The following LIG3 variants were observed in gnomAD, a reference collection of about 807,000 sequenced individuals.
LIG3 encodes DNA ligase 3.
LIG3 carries 58 observed loss-of-function variants against 110.9 expected under a neutral mutation model. The ratio of observed to expected loss-of-function variants is 0.52; its 90% CI spans 0.42 to 0.65. LIG3 has a LOEUF of 0.65. LIG3 is among the 30% of genes least tolerant of loss of function. The pLI, the probability that LIG3 is intolerant of heterozygous loss-of-function variation, is 0.00. For missense variants in LIG3, 1,094 were observed against 1,273.8 expected (o/e 0.86, Z 2.15); for synonymous variants, 422 against 472.8 (o/e 0.89, Z 1.39).
Position 34,994,210 on chromosome 17 carries a change from C to G in LIG3, c.1456-66C>G, listed in dbSNP as rs2090754735. ...ACCCTCACTAACCCAGTTGCAAGGT[C>G]TCTGGCTGTCGCTGCTTAGCAGCCC... On this transcript the variant is annotated intron_variant, in intron 8 of 19. Transcript: ENST00000378526. 2.0e-6 allele frequency: 3 copies of G among 1,526,272 alleles called. No homozygotes were observed. The East Asian group carries it at 6.8e-5, about 35-fold the overall frequency. The allele number at this position is 1,526,272 out of a possible 1,614,324, so 94.5% of individuals were successfully genotyped here.
chr17:34,990,955 G>A lies in LIG3; in HGVS notation c.890-8G>A, dbSNP rs1159817223. On this transcript the variant is annotated splice_polypyrimidine_tract_variant and splice_region_variant and intron_variant, in intron 4 of 19. Transcript: ENST00000378526. ...CTATTTCTCAAGAAGGGTTCCTTCTGTCTCCAGATGGTTTCCACGGTGATG... is the reference window on the plus strand; with the variant it reads ...CTATTTCTCAAGAAGGGTTCCTTCTATCTCCAGATGGTTTCCACGGTGATG... The A allele has an allele frequency of 1.9e-6, 3 of 1,613,142 alleles. No homozygotes were observed. Among genetic ancestry groups the A allele is most frequent in the East Asian group, 2.2e-5 (1 of 44,854 alleles).
chr17:35,001,332 C>T lies in LIG3; in HGVS notation c.2407C>T (p.Arg803Ter), dbSNP rs1567694313. ...TCATACAGCTGACGGGATCTCCATC[C>T]GATTCCCTCGCTGCACCCGAATCCG... ...EAHTADGISI[R>*]FPRCTRIRDD... The change falls in exon 17 of 20, where the codon CGA becomes TGA. Residue 803 changes from arginine (R) to a stop codon, truncating the protein, a stop_gained. Transcript: ENST00000378526. LOFTEE classifies it high-confidence loss of function. 5.0e-6 allele frequency: 8 copies of T among 1,613,986 alleles called. No homozygotes were observed. Among genetic ancestry groups the T allele is most frequent in the East Asian group, 2.2e-5 (1 of 44,888 alleles).
intron 3 of LIG3, 72 bp from the exon 4 acceptor site, chr17:34,989,394 T>C (rs1378592304): frequency 1.5e-6 from 2 of 1,348,638 alleles, no homozygotes; most frequent in African/African-American, 2.9e-5. Flanking sequence ...AGAATATCTG[T>C]TAGTTTCCTT....
intron 16 of LIG3, among the ~76,000 whole-genome samples, chr17:35,000,911 G>A (rs1050783243): frequency 1.3e-5 from 2 of 151,034 alleles, no homozygotes; most frequent in Admixed American, 1.3e-4. Flanking sequence ...ACCGCGCCTG[G>A]CCAATACTTG....
chr17:35,002,004 G>C lies in LIG3; in HGVS notation c.2574G>C (p.Lys858Asn). Reference sequence around the variant, plus strand: ...CAGGGGGTAGCAGTGAAGAGAATAAGGGTCCCTCAGGGTCTGCTGTGTCCC... The same window carrying C: ...CAGGGGGTAGCAGTGAAGAGAATAACGGTCCCTCAGGGTCTGCTGTGTCCC... ...STTGGSSEEN[K>N]GPSGSAVSRK... The change falls in exon 18 of 20, where the codon AAG becomes AAC. Residue 858 changes from lysine to asparagine, a missense_variant. Coordinates refer to ENST00000378526, the MANE Select transcript of LIG3 (RefSeq NM_013975.4). 1 of 1,612,966 alleles carries C rather than the reference G, an allele frequency of 6.2e-7. No individual in the cohort carries two copies. Among genetic ancestry groups the C allele is most frequent in the East Asian group, 2.2e-5 (1 of 44,824 alleles).
At chr17:35,002,292 G>A (rs2090851934) in intron 18 of LIG3, among the ~76,000 whole-genome samples, 188 bp downstream of exon 18, 1 of 152,136 alleles carries the variant, frequency 6.6e-6, no homozygotes. Context: ...TGGGCACCCT[G>A]TATCTGCTCA....
Position 34,991,890 on chromosome 17 carries a change from G to A in LIG3, c.1208+53G>A, listed in dbSNP as rs375862891. On this transcript the variant is annotated intron_variant, in intron 6 of 19. Coordinates refer to ENST00000378526, the MANE Select transcript of LIG3 (RefSeq NM_013975.4). ...GCCCATAGAGAGATGAACTCTCTTG[G>A]GAAGGGAAGGTTCCCTTGGGGTTCC... The A allele has an allele frequency of 5.0e-6, 8 of 1,613,736 alleles. No homozygotes were observed. The East Asian group carries it at 1.1e-4, about 22-fold the overall frequency.
downstream of LIG3, chr17:35,009,959 G>A (rs2090925589): frequency 2.0e-5 from 3 of 152,624 alleles, no homozygotes; most frequent in Admixed American, 2.0e-4. Context: ...TGACAAAAGT[G>A]GAAAGGGATG....
rs766311023 is a variant in LIG3 at position 35,004,347 on chromosome 17, C to T, written c.2871C>T (p.Arg957=). The T allele has an allele frequency of 2.0e-5, 33 of 1,614,086 alleles. No individual in the cohort carries two copies. Among genetic ancestry groups the T allele is most frequent in the Middle Eastern group, 1.6e-4 (1 of 6,084 alleles). Residue 957 remains arginine, a synonymous_variant, in exon 20 of 20, where the codon CGC becomes CGT. Coordinates refer to ENST00000378526, the MANE Select transcript of LIG3 (RefSeq NM_013975.4). ...CACCAGACTTCAGCCGTCTCAGACG[C>T]TACTTTGTGGCATTCGACGGGGACC... is the stretch of plus-strand genomic sequence containing the variant. ...PSTPDFSRLR[R]YFVAFDGDLV... is the part of the protein sequence containing the mutation.
chr17:35,004,010 C>T, intron 19 of LIG3: 1 of 473,316 alleles, frequency 2.1e-6, no homozygotes, highest in Non-Finnish European at 3.9e-6. Flanking sequence ...CTCTTATACA[C>T]ATGTACTCTT....
rs1219964700 is a variant in LIG3 at position 34,998,692 on chromosome 17, T to C, written c.2078T>C (p.Val693Ala). 1 of 1,614,176 alleles carries C rather than the reference T, an allele frequency of 6.2e-7. No individual in the cohort carries two copies. ...GCCATGGCCGACACAGCTGACCTGG[T>C]GGTCCTTGGAGCCTTCTATGGGCAA... The part of the protein sequence containing the change: ...EGAMADTADL[V>A]VLGAFYGQGS... Residue 693 changes from valine (V) to alanine (A), a missense_variant, in exon 14 of 20, where the codon GTG (valine) becomes GCG (alanine). By Grantham distance (64) the Val-to-Ala change is moderately conservative. Transcript: ENST00000378526.
chr17:34,982,979 T>G (rs63324662), intron 1 of LIG3, 23 bp from the exon 2 acceptor site: 2 of 1,387,340 alleles, frequency 1.4e-6, no homozygotes, highest in South Asian at 1.6e-5. Flanking sequence ...TTTTTTTTTT[T>G]GGCCTCCTAC....
intron 1 of LIG3, 58 bp from the exon 2 acceptor site, chr17:34,982,943 GC>G: frequency 7.2e-7 from 1 of 1,390,578 alleles, no homozygotes; most frequent in Non-Finnish European, 9.7e-7. Flanking sequence ...AAAATTGGAA[GC>G]CTATCTCCTT....
At position 35,009,296 on chromosome 17, in the gene LIG3, C is replaced by T. The variant is rs1269705695; in HGVS notation, c.*4790C>T. The T allele has an allele frequency of 6.6e-6, 1 of 152,394 alleles. No homozygotes were observed. The highest frequency in any genetic ancestry group is 1.9e-4 in the East Asian group (1 of 5,198). The allele number at this position is 152,394 out of a possible 1,614,324, so 9.4% of individuals were successfully genotyped here. A position where few individuals can be genotyped will look rare whatever the true frequency, so the allele number is the denominator to read the frequency against. On this transcript the variant is annotated 3_prime_UTR_variant, in exon 20 of 20. Coordinates refer to ENST00000378526, the MANE Select transcript of LIG3 (RefSeq NM_013975.4). ...TACAATGTATATTGAGCACTAGTTC[C>T]TGTACAGCTTATTCTTATTAGTTTG...
At chr17:34,991,309 G>A (rs2090718401) in intron 5 of LIG3, 195 bp downstream of exon 5, 2 of 608,208 alleles carry the variant, frequency 3.3e-6, no homozygotes, top group Non-Finnish European at 5.7e-6. Context: ...TTCTGAGGGT[G>A]GAAACCATAC....
chr17:34,991,717 C>T lies in LIG3; in HGVS notation c.1088C>T (p.Ser363Phe). 1.9e-6 allele frequency: 3 copies of T among 1,613,964 alleles called. No homozygotes were observed. In the South Asian group the frequency reaches 3.3e-5, roughly 18 times the overall value. ...TIRVFFEQSKSFPPAAKSLLT... is the reference protein window; with the variant it reads ...TIRVFFEQSKFFPPAAKSLLT... ...AGAGTCTTCTTTGAGCAGAGCAAGT[C>T]TTTCCCCCCAGCTGCCAAGAGCCTC... The change falls in exon 6 of 20, where the codon TCT (serine) becomes TTT (phenylalanine). Residue 363 changes from serine to phenylalanine, a missense_variant. Transcript: ENST00000378526.
At chr17:35,001,528 G>C in intron 17 of LIG3, 125 bp downstream of exon 17, 1 of 1,021,760 alleles carries the variant, frequency 9.8e-7, no homozygotes, top group South Asian at 1.6e-5. Context: ...GGCAGAGCAA[G>C]GAGGGCAATT....
Position 35,002,656 on chromosome 17 carries a change from T to G in LIG3, c.2675-12T>G, listed in dbSNP as rs755425821. 3.7e-6 allele frequency: 6 copies of G among 1,611,122 alleles called. No homozygotes were observed. The African/African-American group carries it at 8.0e-5, about 22-fold the overall frequency. On this transcript the variant is annotated splice_polypyrimidine_tract_variant and intron_variant, in intron 18 of 19. Transcript: ENST00000378526. The stretch of plus-strand genomic sequence containing the variant: ...GTGCACCACCACACCCAGCTTCCTC[T>G]CTGTCCTGCAGGCAACATGCAGACT...
At position 34,980,614 on chromosome 17, in the gene LIG3, G is replaced by C. The variant is rs1030519611; in HGVS notation, c.-13G>C. On this transcript the variant is annotated 5_prime_UTR_variant, in exon 1 of 20. Coordinates refer to ENST00000378526, the MANE Select transcript of LIG3 (RefSeq NM_013975.4). ...AGGCCTACGGTGAGCGCCGGAGCCG[G>C]AGAGGCAGGTGAGGGGCTACGCGGC... 22 of 1,284,286 alleles carry C rather than the reference G, an allele frequency of 1.7e-5. No individual in the cohort carries two copies. The highest frequency in any genetic ancestry group is 2.2e-5 in the Non-Finnish European group (22 of 986,354). The allele number at this position is 1,284,286 out of a possible 1,614,324, so 79.6% of individuals were successfully genotyped here. A position where few individuals can be genotyped will look rare whatever the true frequency, so the allele number is the denominator to read the frequency against.
Sources: gnomAD v4.1 joint callset for allele counts (sites outside exome capture counted in the v4.1 genomes callset) on GRCh38, gnomAD v4.1.1 for gene constraint, MANE v1.5 for transcripts, NCBI Gene and HGNC (gene_info 2026-07-23, HGNC 2026-07-21) for gene names.